The following VCPIP1 variants were observed in gnomAD, a reference collection of about 807,000 sequenced individuals.
VCPIP1 encodes the protein valosin containing protein interacting protein 1, also known as deubiquitinating protein VCPIP1.
Under a neutral mutation model 85.0 loss-of-function variants are expected in VCPIP1, and 8 were observed. The ratio of observed to expected loss-of-function variants is 0.09; its 90% CI spans 0.06 to 0.17. The LOEUF (loss-of-function observed/expected upper bound fraction) is 0.17, where lower values mean the gene tolerates loss of function less well. Ranked by LOEUF, VCPIP1 falls within the 10% of genes least tolerant of loss-of-function variation. VCPIP1 has a pLI of 1.00. For missense variants in VCPIP1, 1,070 were observed against 1,486.3 expected (o/e 0.72, Z 4.61); for synonymous variants, 543 against 544.5 (o/e 1.00, Z 0.04).
chr8:66,635,592 T>G (rs1810876746), intron 2 of VCPIP1, among the ~76,000 whole-genome samples: 1 of 152,196 alleles, frequency 6.6e-6, no homozygotes, highest in Admixed American at 6.5e-5. Flanking sequence ...AAAATTTTTT[T>G]GCTATCTTAA....
chr8:66,642,406 T>C (rs1033489048), intron 2 of VCPIP1, among the ~76,000 whole-genome samples: 3 of 152,378 alleles, frequency 2.0e-5, no homozygotes, highest in Admixed American at 6.5e-5. Context: ...CTTGATAGTA[T>C]AATTTGTAGC....
chr8:66,633,747 A>AT lies in VCPIP1; in HGVS notation c.*753dup, dbSNP rs1037510914. On this transcript the variant is annotated 3_prime_UTR_variant, in exon 3 of 3. Transcript: ENST00000310421. Reference sequence around the variant, plus strand: ...ACTTTGCAATCAACTTTTCTGCAAGATTAAAAAAAAAAAAATCAGGTTGTT... The same window carrying AT: ...ACTTTGCAATCAACTTTTCTGCAAGATTTAAAAAAAAAAAAATCAGGTTGTT... The AT allele has an allele frequency of 1.3e-5, 2 of 151,952 alleles. No individual in the cohort carries two copies. Among genetic ancestry groups the AT allele is most frequent in the African/African-American group, 4.8e-5 (2 of 41,370 alleles). The allele number at this position is 151,952 out of a possible 1,614,324, so 9.4% of individuals were successfully genotyped here.
At chr8:66,650,663 AAC>A (rs1325296623) in intron 2 of VCPIP1, among the ~76,000 whole-genome samples, 2 of 152,064 alleles carry the variant, frequency 1.3e-5, no homozygotes, top group African/African-American at 2.4e-5. Context: ...TAACAACAAC[AAC>A]ACAAACATTA....
intron 2 of VCPIP1, among the ~76,000 whole-genome samples, chr8:66,650,886 A>G (rs1351802823): frequency 1.3e-5 from 2 of 149,390 alleles, no homozygotes; most frequent in Admixed American, 6.7e-5. Context: ...AAAAAAAAAA[A>G]AAAGAATCAT....
chr8:66,664,211 A>G (rs762715182), intron 1 of VCPIP1, 38 bp downstream of exon 1: 1 of 1,497,964 alleles, frequency 6.7e-7, no homozygotes, highest in South Asian at 1.4e-5. Context: ...TATTATATTT[A>G]CAATTAAGAT....
intron 2 of VCPIP1, among the ~76,000 whole-genome samples, chr8:66,637,550 T>A (rs1288560661): frequency 1.3e-5 from 2 of 150,608 alleles, no homozygotes; most frequent in Non-Finnish European, 2.9e-5. Context: ...CTTCTAAGCA[T>A]AATTGTTTAG....
At chr8:66,646,850 C>T (rs950153476) in intron 2 of VCPIP1, among the ~76,000 whole-genome samples, 5 of 150,622 alleles carry the variant, frequency 3.3e-5, no homozygotes, top group African/African-American at 1.2e-4. Flanking sequence ...ATGGTGAAAC[C>T]CCGTCTCTAC....
At position 66,635,255 on chromosome 8, in the gene VCPIP1, C is replaced by T; in HGVS notation, c.2915G>A (p.Gly972Asp). 6.2e-7 allele frequency: 1 copy of T among 1,614,112 alleles called. No homozygotes were observed. Among genetic ancestry groups the T allele is most frequent in the Non-Finnish European group, 8.5e-7 (1 of 1,180,024 alleles). ...CVDAAGHFPIGPDVEDLVKEA... is the reference protein window; with the variant it reads ...CVDAAGHFPIDPDVEDLVKEA... ...TTTAACTAAATCTTCAACATCAGGA[C>T]CAATGGGGAAATGTCCTGCAGCATC... Residue 972 changes from glycine (G) to aspartate (D), a missense_variant, in exon 3 of 3, where the codon GGT becomes GAT. Transcript: ENST00000310421.
At chr8:66,647,524 A>G (rs1305991256) in intron 2 of VCPIP1, among the ~76,000 whole-genome samples, 1 of 152,154 alleles carries the variant, frequency 6.6e-6, no homozygotes, top group Admixed American at 6.5e-5. Context: ...ACTGTACTGG[A>G]GAAAGGAGAG....
At position 66,631,911 on chromosome 8, in the gene VCPIP1, A is replaced by G. The variant is rs1309692972; in HGVS notation, c.*2590T>C. 1.3e-5 allele frequency: 2 copies of G among 152,484 alleles called. No individual in the cohort carries two copies. The highest frequency in any genetic ancestry group is 4.8e-5 in the African/African-American group (2 of 41,434). The allele number at this position is 152,484 out of a possible 1,614,324, so 9.4% of individuals were successfully genotyped here. A position where few individuals can be genotyped will look rare whatever the true frequency, so the allele number is the denominator to read the frequency against. On this transcript the variant is annotated 3_prime_UTR_variant, in exon 3 of 3. Coordinates refer to ENST00000310421, the MANE Select transcript of VCPIP1 (RefSeq NM_025054.5). ...ATTCTAGATACATACTATCTTCAAC[A>G]CTACCTGGACTTTAGGTCATCAACT...
In VCPIP1 at chr8:66,664,730, G is replaced by T; in HGVS notation, c.2229C>A (p.Pro743=). ...EKLKQEQKGQ[P]RTVSPSTIRD... Reference sequence around the variant, plus strand: ...GAATGGTACTGGGAGAAACAGTCCTGGGTTGCCCTTTTTGTTCTTGTTTTA... The same window carrying T: ...GAATGGTACTGGGAGAAACAGTCCTTGGTTGCCCTTTTTGTTCTTGTTTTA... The change falls in exon 1 of 3, where the codon CCC becomes CCA. Residue 743 remains proline, a synonymous_variant. Transcript: ENST00000310421. 6.2e-7 allele frequency: 1 copy of T among 1,613,648 alleles called. No homozygotes were observed. Among genetic ancestry groups the T allele is most frequent in the Admixed American group, 1.7e-5 (1 of 59,860 alleles).
chr8:66,648,434 TATCTA>T (rs1404765398), intron 2 of VCPIP1, among the ~76,000 whole-genome samples: 1 of 152,156 alleles, frequency 6.6e-6, no homozygotes, highest in African/African-American at 2.4e-5. Flanking sequence ...ATTGATCATT[TATCTA>T]ATCTATCTAA....
At position 66,633,564 on chromosome 8, in the gene VCPIP1, A is replaced by C. The variant is rs1435643519; in HGVS notation, c.*937T>G. On this transcript the variant is annotated 3_prime_UTR_variant, in exon 3 of 3. Transcript: ENST00000310421. ...ACAAATAAACTCTTATGGATTCTGAAAAAAAAAAAAAAATTTTGGCTCAAA... is the reference window on the plus strand; with the variant it reads ...ACAAATAAACTCTTATGGATTCTGACAAAAAAAAAAAAATTTTGGCTCAAA... 6.8e-6 allele frequency: 1 copy of C among 147,204 alleles called. No individual in the cohort carries two copies. The highest frequency in any genetic ancestry group is 2.6e-5 in the African/African-American group (1 of 38,944). The allele number at this position is 147,204 out of a possible 1,614,324, so 9.1% of individuals were successfully genotyped here.
At chr8:66,646,632 C>T (rs564732207) in intron 2 of VCPIP1, among the ~76,000 whole-genome samples, 7 of 151,998 alleles carry the variant, frequency 4.6e-5, no homozygotes, top group East Asian at 3.9e-4. Context: ...CTTGTCTCTA[C>T]GAAAATTACA....
intron 1 of VCPIP1, among the ~76,000 whole-genome samples, chr8:66,660,833 C>T (rs963665287): frequency 6.6e-5 from 10 of 151,846 alleles, no homozygotes; most frequent in Non-Finnish European, 1.2e-4. Context: ...CCCCTGAGGT[C>T]GGGAGTTCAA....
chr8:66,649,836 T>C (rs1811035273), intron 2 of VCPIP1, among the ~76,000 whole-genome samples: 1 of 152,186 alleles, frequency 6.6e-6, no homozygotes, highest in African/African-American at 2.4e-5. Context: ...CGTATACTTG[T>C]AAGTCTGAAA....
chr8:66,655,609 T>C (rs552546237), intron 1 of VCPIP1, among the ~76,000 whole-genome samples: 1 of 152,336 alleles, frequency 6.6e-6, no homozygotes, highest in Admixed American at 6.5e-5. Flanking sequence ...GTTACATATA[T>C]AAAATACAAC....
intron 2 of VCPIP1, among the ~76,000 whole-genome samples, chr8:66,645,848 T>C (rs1178530870): frequency 1.3e-5 from 2 of 151,834 alleles, no homozygotes; most frequent in African/African-American, 2.4e-5. Flanking sequence ...GGAGATCAAC[T>C]GAGCCAGGTA....
chr8:66,660,744 T>C (rs938032440), intron 1 of VCPIP1, among the ~76,000 whole-genome samples: 1 of 152,170 alleles, frequency 6.6e-6, no homozygotes, highest in Admixed American at 6.5e-5. Flanking sequence ...TCTTTTTTTT[T>C]AAATTAAGAA....
Sources: gnomAD v4.1 joint callset for allele counts (sites outside exome capture counted in the v4.1 genomes callset) on GRCh38, gnomAD v4.1.1 for gene constraint, MANE v1.5 for transcripts, NCBI Gene and HGNC (gene_info 2026-07-23, HGNC 2026-07-21) for gene names.